Variants in PSD3 observed in about 807,000 individuals in gnomAD.
PSD3 encodes the protein pleckstrin and Sec7 domain containing 3, also known as PH and SEC7 domain-containing protein 3.
Under a neutral mutation model 105.5 loss-of-function variants are expected in PSD3, and 49 were observed. That is an observed-to-expected ratio of 0.46 (90% CI 0.37 to 0.59). The LOEUF (loss-of-function observed/expected upper bound fraction) is 0.59. Ranked by LOEUF, PSD3 falls within the 20% of genes least tolerant of loss-of-function variation. The pLI, the probability that PSD3 is intolerant of heterozygous loss-of-function variation, is 0.00. For missense variants in PSD3, 1,561 were observed against 1,263.8 expected (o/e 1.24, Z -3.57); for synonymous variants, 557 against 457.8 (o/e 1.22, Z -2.77).
intron 1 of PSD3, among the ~76,000 whole-genome samples, chr8:18,943,029 C>T (rs12155896): frequency 0.63 from 96,060 of 151,528 alleles, 30,583 homozygotes; most frequent in Non-Finnish European, 0.67. Context: ...GAATCTTTCA[C>T]TCTAGCCAAA....
At chr8:18,744,236 A>C (rs2129435522) in intron 9 of PSD3, among the ~76,000 whole-genome samples, 1 of 152,342 alleles carries the variant, frequency 6.6e-6, no homozygotes, top group East Asian at 1.9e-4. Context: ...TTTAAACCTC[A>C]TTCCTGGTTC....
chr8:18,768,709 C>T (rs1245289118), intron 8 of PSD3, among the ~76,000 whole-genome samples: 1 of 152,170 alleles, frequency 6.6e-6, no homozygotes, highest in African/African-American at 2.4e-5. Context: ...TCCCACCTCC[C>T]CTTTCCCAGC....
intron 4 of PSD3, among the ~76,000 whole-genome samples, chr8:18,815,300 C>CT (rs1043907340): frequency 5.9e-5 from 9 of 151,678 alleles, no homozygotes; most frequent in African/African-American, 2.2e-4. Flanking sequence ...TCTTCAAATT[C>CT]TTTTTTTTGT....
chr8:18,770,379 T>C (rs1227217422), intron 8 of PSD3, among the ~76,000 whole-genome samples: 1 of 152,258 alleles, frequency 6.6e-6, no homozygotes, highest in Non-Finnish European at 1.5e-5. Context: ...AATTTTCTTA[T>C]CACATATGTA....
intron 11 of PSD3, among the ~76,000 whole-genome samples, chr8:18,625,321 G>C (rs1806401079): frequency 6.6e-6 from 1 of 151,716 alleles, no homozygotes; most frequent in Admixed American, 6.6e-5. Flanking sequence ...GCTGCTTCTG[G>C]GTTCTCTTTT....
chr8:18,960,846 G>A (rs79855648), intron 1 of PSD3, among the ~76,000 whole-genome samples: 2,307 of 152,158 alleles, frequency 0.015, 61 homozygotes, highest in African/African-American at 0.053. Flanking sequence ...AGGACTTTAA[G>A]AGGCCAAGGG....
chr8:18,620,145 T>C (rs1805997690), intron 11 of PSD3, among the ~76,000 whole-genome samples: 1 of 152,184 alleles, frequency 6.6e-6, no homozygotes, highest in Admixed American at 6.5e-5. Flanking sequence ...TCTCAACCAA[T>C]AACTCAACCA....
intron 1 of PSD3, among the ~76,000 whole-genome samples, chr8:18,983,856 C>A (rs764565656): frequency 6.6e-6 from 1 of 151,520 alleles, no homozygotes; most frequent in Non-Finnish European, 1.5e-5. Flanking sequence ...ATGTTTTAAC[C>A]GGCTGGATAT....
At position 18,677,657 on chromosome 8, in the gene PSD3, G is replaced by A. The variant is rs368311976; in HGVS notation, c.2173-21972C>T. On this transcript the variant is annotated intron_variant, in intron 9 of 15. Transcript: ENST00000327040. Reference sequence around the variant, plus strand: ...AGATAATGATAATCTGTAGAACTACGTCCCTGAAGAAGTCAGGTCTCTTTT... The same window carrying A: ...AGATAATGATAATCTGTAGAACTACATCCCTGAAGAAGTCAGGTCTCTTTT... Among the ~76,000 whole-genome samples, 201 of 152,282 alleles carry A rather than the reference G, an allele frequency of 1.3e-3. 2 individuals are homozygous for A. The highest frequency in any genetic ancestry group is 4.5e-3 in the African/African-American group (189 of 41,566).
intron 4 of PSD3, 149 bp from the exon 5 acceptor site, chr8:18,805,047 G>T: frequency 1.4e-6 from 1 of 726,108 alleles, no homozygotes; most frequent in Non-Finnish European, 2.1e-6. Flanking sequence ...AATTTTTTCA[G>T]TTACCATATT....
chr8:18,962,540 G>A (rs73666765), intron 1 of PSD3, among the ~76,000 whole-genome samples: 1 of 152,166 alleles, frequency 6.6e-6, no homozygotes, highest in Non-Finnish European at 1.5e-5. Flanking sequence ...TGCAGCTCCA[G>A]TGAAATGCCT....
At chr8:18,840,989 T>A (rs1814574383) in intron 4 of PSD3, among the ~76,000 whole-genome samples, 1 of 152,196 alleles carries the variant, frequency 6.6e-6, no homozygotes, top group African/African-American at 2.4e-5. Flanking sequence ...TACTACAGTC[T>A]ACTACACTTG....
At chr8:18,902,831 C>T (rs569625025) in intron 2 of PSD3, among the ~76,000 whole-genome samples, 1 of 152,300 alleles carries the variant, frequency 6.6e-6, no homozygotes, top group African/African-American at 2.4e-5. Context: ...ATGTTCGTGG[C>T]AGTGGTGACA....
intron 14 of PSD3, among the ~76,000 whole-genome samples, chr8:18,561,023 G>T (rs908443287): frequency 6.6e-6 from 1 of 152,154 alleles, no homozygotes; most frequent in South Asian, 2.1e-4. Context: ...CTGGAAAACT[G>T]TAAGAAGGCT....
intron 14 of PSD3, among the ~76,000 whole-genome samples, chr8:18,567,317 G>C (rs1267156382): frequency 6.6e-6 from 1 of 151,342 alleles, no homozygotes; most frequent in African/African-American, 2.4e-5. Flanking sequence ...CCCTTATATC[G>C]TGTAATGTGA....
chr8:18,575,432 T>G lies in PSD3; in HGVS notation c.2482-147A>C, dbSNP rs980267636. The G allele has an allele frequency of 3.4e-5, 24 of 714,982 alleles. No individual in the cohort carries two copies. In the African/African-American group the frequency reaches 4.0e-4, roughly 12 times the overall value. The allele number at this position is 714,982 out of a possible 1,614,324, so 44.3% of individuals were successfully genotyped here. ...AAACAAACGGTGAGTAAAAACAACC[T>G]TATAAATGTTACAGAACATTATGTT... is the stretch of plus-strand genomic sequence containing the variant. On this transcript the variant is annotated intron_variant, in intron 12 of 15. Transcript: ENST00000327040.
intron 4 of PSD3, among the ~76,000 whole-genome samples, chr8:18,813,183 A>G (rs1811853101): frequency 6.6e-6 from 1 of 152,214 alleles, no homozygotes; most frequent in Non-Finnish European, 1.5e-5. Flanking sequence ...GGGTGGGTAC[A>G]AGACTAACCC....
intron 8 of PSD3, among the ~76,000 whole-genome samples, chr8:18,770,011 G>A (rs1480179872): frequency 2.0e-5 from 3 of 152,156 alleles, no homozygotes; most frequent in Non-Finnish European, 2.9e-5. Flanking sequence ...TGGGATTATT[G>A]AGTCCTATGG....
At chr8:18,589,637 A>T (rs572005978) in intron 12 of PSD3, among the ~76,000 whole-genome samples, 12 of 152,368 alleles carry the variant, frequency 7.9e-5, no homozygotes, top group African/African-American at 2.9e-4. Flanking sequence ...GTAAAATGTT[A>T]ATGAAAGATA....
Sources: allele counts gnomAD v4.1 joint callset (sites outside exome capture counted in the v4.1 genomes callset), GRCh38; gene constraint gnomAD v4.1.1; transcripts MANE v1.5; gene names NCBI Gene and HGNC (gene_info 2026-07-23, HGNC 2026-07-21).